CCNYL1: variants seen among roughly 807,000 people sequenced by gnomAD.
CCNYL1 encodes the protein cyclin-Y-like protein 1.
Under a neutral mutation model 44.2 loss-of-function variants are expected in CCNYL1, and 16 were observed. The ratio of observed to expected loss-of-function variants is 0.36; its 90% CI spans 0.25 to 0.55. The LOEUF (loss-of-function observed/expected upper bound fraction) is 0.55. Among genes scored for constraint, CCNYL1 ranks in the 20% least tolerant of loss-of-function variants. The pLI is 0.85. For synonymous variants in CCNYL1, 159 were observed against 163.2 expected, an observed-to-expected ratio of 0.97 and a Z score of 0.20; for missense variants, 348 against 451.8, an observed-to-expected ratio of 0.77 and a Z score of 2.08.
chr2:207,733,112 T>C (rs2091741797), intron 3 of CCNYL1, among the ~76,000 whole-genome samples: 1 of 152,040 alleles, frequency 6.6e-6, no homozygotes, highest in Non-Finnish European at 1.5e-5. Flanking sequence ...GGCAAAGGGA[T>C]CCCAGAAGGC....
At chr2:207,716,961 T>C (rs961426465) in intron 1 of CCNYL1, among the ~76,000 whole-genome samples, 1 of 151,884 alleles carries the variant, frequency 6.6e-6, no homozygotes, top group Non-Finnish European at 1.5e-5. Flanking sequence ...TACAAAAAAT[T>C]AGCCGGGCGT....
chr2:207,753,045 A>AAAT (rs1392770904), intron 9 of CCNYL1, among the ~76,000 whole-genome samples: 1 of 152,014 alleles, frequency 6.6e-6, no homozygotes, highest in African/African-American at 2.4e-5. Context: ...AAAAAGAAAA[A>AAAT]AATAATAATA....
intron 1 of CCNYL1, among the ~76,000 whole-genome samples, chr2:207,720,836 T>C (rs1367960713): frequency 6.6e-6 from 1 of 152,130 alleles, no homozygotes. Context: ...AAACATAGAT[T>C]GAGGCGTGAA....
At chr2:207,735,873 A>AT (rs922322829) in intron 4 of CCNYL1, among the ~76,000 whole-genome samples, 11 of 152,176 alleles carry the variant, frequency 7.2e-5, no homozygotes, top group African/African-American at 2.6e-4. Flanking sequence ...CAAAAAAAAA[A>AT]CAAAACAAAA....
In CCNYL1 at chr2:207,755,377, C is replaced by G. The variant is rs1403010554; in HGVS notation, c.*1679C>G. On this transcript the variant is annotated 3_prime_UTR_variant, in exon 10 of 10. Transcript: ENST00000295414. ...CCTGGGCGACATCCAGACCCTGTCT[C>G]AAAGAAAAAAGCAGAAGAAAAATGT... is the stretch of plus-strand genomic sequence containing the variant. The G allele has an allele frequency of 6.6e-6, 1 of 151,936 alleles. No individual in the cohort carries two copies. Among genetic ancestry groups the G allele is most frequent in the Non-Finnish European group, 1.5e-5 (1 of 68,010 alleles). 9.4% of individuals were successfully genotyped at this position (151,936 alleles called of 1,614,324 possible).
At chr2:207,752,228 A>G (rs1004944575) in intron 9 of CCNYL1, among the ~76,000 whole-genome samples, 2 of 152,146 alleles carry the variant, frequency 1.3e-5, no homozygotes, top group Admixed American at 1.3e-4. Context: ...TTCACTGTAT[A>G]GGATGCAGGT....
chr2:207,730,163 C>G (rs540351388), intron 3 of CCNYL1, among the ~76,000 whole-genome samples: 17 of 152,002 alleles, frequency 1.1e-4, no homozygotes, highest in Non-Finnish European at 2.4e-4. Flanking sequence ...TTTTTTTTCC[C>G]ATTTCCCAGA....
chr2:207,720,988 G>C lies in CCNYL1; in HGVS notation c.221-3812G>C, dbSNP rs1483299734. ...GACTGGAGCTTGGCTGGTACTGTGT[G>C]ACCTCAGATGAGGCAGGGCAGCTCA... On this transcript the variant is annotated intron_variant, in intron 1 of 9. Transcript: ENST00000295414. Among the ~76,000 whole-genome samples, 4 of 152,104 alleles carry C rather than the reference G, an allele frequency of 2.6e-5. No individual in the cohort carries two copies. The East Asian group carries it at 7.7e-4, about 29-fold the overall frequency.
At chr2:207,748,504 G>A (rs2091871104) in intron 8 of CCNYL1, among the ~76,000 whole-genome samples, 1 of 152,206 alleles carries the variant, frequency 6.6e-6, no homozygotes, top group African/African-American at 2.4e-5. Flanking sequence ...GCTGAGCCAG[G>A]GAGGCATTTC....
chr2:207,753,613 A>G lies in CCNYL1; in HGVS notation c.995A>G (p.Lys332Arg). The G allele has an allele frequency of 6.2e-7, 1 of 1,613,278 alleles. No homozygotes were observed. The highest frequency in any genetic ancestry group is 8.5e-7 in the Non-Finnish European group (1 of 1,179,324). Reference protein sequence around the residue: ...LEAISRLCEDKDLCRAAMRRS... With the variant: ...LEAISRLCEDRDLCRAAMRRS... Reference sequence around the variant, plus strand: ...GCTATTTCTAGATTGTGTGAAGACAAAGACTTGTGTAGAGCCGCTATGAGA... The same window carrying G: ...GCTATTTCTAGATTGTGTGAAGACAGAGACTTGTGTAGAGCCGCTATGAGA... The change falls in exon 10 of 10, where the codon AAA (lysine) becomes AGA (arginine). Residue 332 changes from lysine to arginine, a missense_variant. Transcript: ENST00000295414.
chr2:207,744,561 G>A (rs1369877478), intron 7 of CCNYL1, among the ~76,000 whole-genome samples: 1 of 151,246 alleles, frequency 6.6e-6, no homozygotes, highest in African/African-American at 2.4e-5. Flanking sequence ...GTAGAGACCG[G>A]GCTTCGCCAT....
chr2:207,736,069 A>G (rs2091762662), intron 4 of CCNYL1, among the ~76,000 whole-genome samples: 1 of 152,168 alleles, frequency 6.6e-6, no homozygotes, highest in Admixed American at 6.6e-5. Flanking sequence ...ATTTGGTGGG[A>G]CCTTGGGCAA....
intron 3 of CCNYL1, among the ~76,000 whole-genome samples, chr2:207,732,890 T>G (rs952638551): frequency 2.6e-5 from 4 of 152,218 alleles, no homozygotes; most frequent in Non-Finnish European, 4.4e-5. Flanking sequence ...TGTAACTGAT[T>G]TAAATAATTT....
At chr2:207,750,043 C>A (rs2091880495) in intron 8 of CCNYL1, among the ~76,000 whole-genome samples, 1 of 152,188 alleles carries the variant, frequency 6.6e-6, no homozygotes, top group African/African-American at 2.4e-5. Context: ...GGTCATGTAG[C>A]CGACTACTAC....
intron 9 of CCNYL1, among the ~76,000 whole-genome samples, chr2:207,752,120 TA>T: frequency 6.9e-6 from 1 of 145,414 alleles, no homozygotes; most frequent in African/African-American, 2.7e-5. Flanking sequence ...CTGTCTTACT[TA>T]CTGTTTGCAA....
intron 1 of CCNYL1, among the ~76,000 whole-genome samples, chr2:207,721,896 G>A (rs188995514): frequency 4.6e-5 from 7 of 152,022 alleles, no homozygotes; most frequent in Admixed American, 4.6e-4. Context: ...CTAGAGTACA[G>A]CCCTGCCTTT....
Position 207,755,048 on chromosome 2 carries a change from T to G in CCNYL1, c.*1350T>G, listed in dbSNP as rs1015394066. 1 of 151,780 alleles carries G rather than the reference T, an allele frequency of 6.6e-6. No homozygotes were observed. The highest frequency in any genetic ancestry group is 1.5e-5 in the Non-Finnish European group (1 of 67,980). The allele number at this position is 151,780 out of a possible 1,614,324, so 9.4% of individuals were successfully genotyped here. A position where few individuals can be genotyped will look rare whatever the true frequency, so the allele number is the denominator to read the frequency against. Reference sequence around the variant, plus strand: ...CTACACTCCAACCTGGACAACGTTATCAAGACCCCATCTCTTAGAAAAATG... The same window carrying G: ...CTACACTCCAACCTGGACAACGTTAGCAAGACCCCATCTCTTAGAAAAATG... On this transcript the variant is annotated 3_prime_UTR_variant, in exon 10 of 10. Transcript: ENST00000295414.
chr2:207,723,464 G>A (rs1046354720), intron 1 of CCNYL1, among the ~76,000 whole-genome samples: 1 of 152,108 alleles, frequency 6.6e-6, no homozygotes, highest in African/African-American at 2.4e-5. Flanking sequence ...CCACTAAATC[G>A]CTTTTTTAAA....
chr2:207,717,035 G>C (rs1474747310), intron 1 of CCNYL1, among the ~76,000 whole-genome samples: 1 of 151,684 alleles, frequency 6.6e-6, no homozygotes, highest in Non-Finnish European at 1.5e-5. Flanking sequence ...TGTGAACCCA[G>C]GAGGCAGAGA....
Sources: gnomAD v4.1 joint callset for allele counts (sites outside exome capture counted in the v4.1 genomes callset) on GRCh38, gnomAD v4.1.1 for gene constraint, MANE v1.5 for transcripts, NCBI Gene and HGNC (gene_info 2026-07-23, HGNC 2026-07-21) for gene names.